The following ARHGAP27 variants were observed in gnomAD, a reference collection of about 807,000 sequenced individuals.
ARHGAP27 encodes the protein rho GTPase-activating protein 27.
ARHGAP27 carries 53 observed loss-of-function variants against 102.0 expected under a neutral mutation model. That is an observed-to-expected ratio of 0.52 (90% CI 0.42 to 0.65). ARHGAP27 has a LOEUF of 0.65. Ranked by LOEUF, ARHGAP27 falls within the 30% of genes least tolerant of loss-of-function variation. The pLI, the probability that ARHGAP27 is intolerant of heterozygous loss-of-function variation, is 0.00. For synonymous variants in ARHGAP27, 525 were observed against 542.8 expected, an observed-to-expected ratio of 0.97 and a Z score of 0.46; for missense variants, 1,117 against 1,256.2, an observed-to-expected ratio of 0.89 and a Z score of 1.68.
intron 1 of ARHGAP27, 108 bp from the exon 2 acceptor site, chr17:45,432,457 T>C (rs1449436502): frequency 6.6e-6 from 1 of 152,628 alleles, no homozygotes; most frequent in Non-Finnish European, 1.5e-5. Context: ...CCCAGGCGAC[T>C]CAAGCTACAG....
At chr17:45,406,714 C>T (rs1401191998) in intron 4 of ARHGAP27, among the ~76,000 whole-genome samples, 8 of 151,960 alleles carry the variant, frequency 5.3e-5, no homozygotes, top group African/African-American at 1.9e-4. Context: ...AGTGCAGTGG[C>T]GCAATCTTGG....
intron 4 of ARHGAP27, among the ~76,000 whole-genome samples, chr17:45,420,056 T>C (rs948533175): frequency 1.3e-5 from 2 of 152,214 alleles, no homozygotes; most frequent in African/African-American, 4.8e-5. Context: ...TCATCAAATA[T>C]CTAATATTTA....
chr17:45,406,846 T>G (rs1164501106), intron 4 of ARHGAP27, among the ~76,000 whole-genome samples: 1 of 152,080 alleles, frequency 6.6e-6, no homozygotes, highest in Non-Finnish European at 1.5e-5. Context: ...CTGTCTGGAT[T>G]TGGGGACTGA....
At chr17:45,398,151 C>A (rs1404766777) in intron 12 of ARHGAP27, 104 bp from the exon 13 acceptor site, 2 of 796,440 alleles carry the variant, frequency 2.5e-6, no homozygotes, top group Non-Finnish European at 3.7e-6. Flanking sequence ...CCTGTCCCTG[C>A]CCCCAGGCAC....
rs775407930 is a variant in ARHGAP27, at chr17:45,430,241, C to T, written c.39G>A (p.Val13=). 32 of 1,577,038 alleles carry T rather than the reference C, an allele frequency of 2.0e-5. No homozygotes were observed. Among genetic ancestry groups the T allele is most frequent in the Non-Finnish European group, 2.6e-5 (31 of 1,169,886 alleles). The part of the protein sequence containing the change: ...ADVVGDVYVL[V]EHPFEYTGKD... ...TGCCGGTGTACTCGAAGGGGTGCTC[C>T]ACCAGCACGTACACGTCCCCCACCA... The change falls in exon 4 of 20, where the codon GTG becomes GTA. Residue 13 remains valine (V), a synonymous_variant. Transcript: ENST00000685559. The surrounding 1 kb of genome is among the most constrained non-coding windows in gnomAD (Gnocchi z 4.4).
In ARHGAP27 at chr17:45,405,762, C is replaced by T; in HGVS notation, c.979G>A (p.Ala327Thr). ...FFYNPLTGET[A>T]WEDEAENEPE... is the part of the protein sequence containing the mutation. ...TCGTTCTCGGCCTCGTCCTCCCAGG[C>T]CGTCTCGCCCGTCAGCGGGTTGTAG... The change falls in exon 5 of 20, where the codon GCC becomes ACC. Residue 327 changes from alanine to threonine, a missense_variant. Ala to Thr is a moderately conservative substitution (Grantham distance 58). Coordinates refer to ENST00000685559, the MANE Select transcript of ARHGAP27 (RefSeq NM_001282290.2). The T allele has an allele frequency of 6.3e-7, 1 of 1,589,830 alleles. No homozygotes were observed. Among genetic ancestry groups the T allele is most frequent in the South Asian group, 1.1e-5 (1 of 89,180 alleles).
At chr17:45,419,899 C>T (rs775298595) in intron 4 of ARHGAP27, among the ~76,000 whole-genome samples, 5 of 151,960 alleles carry the variant, frequency 3.3e-5, no homozygotes, top group Non-Finnish European at 7.4e-5. Flanking sequence ...AAGAGAAATG[C>T]AAATTTAAAG....
intron 4 of ARHGAP27, chr17:45,409,500 G>A: frequency 6.6e-6 from 1 of 152,442 alleles, no homozygotes. Flanking sequence ...GACTAGGGCT[G>A]CCAGAGACAC....
intron 4 of ARHGAP27, among the ~76,000 whole-genome samples, chr17:45,411,792 G>A (rs537836197): frequency 7.3e-6 from 1 of 136,282 alleles, no homozygotes; most frequent in Non-Finnish European, 1.6e-5. Flanking sequence ...CAGGGATGAG[G>A]ACTCACACAC....
rs2049973274 is a variant in ARHGAP27 at position 45,430,425 on chromosome 17, T to C, written c.-18-128A>G. 1 of 1,355,330 alleles carries C rather than the reference T, an allele frequency of 7.4e-7. No individual in the cohort carries two copies. Among genetic ancestry groups the C allele is most frequent in the South Asian group, 1.5e-5 (1 of 68,204 alleles). 84.0% of individuals were successfully genotyped at this position (1,355,330 alleles called of 1,614,324 possible). A position where few individuals can be genotyped will look rare whatever the true frequency, so the allele number is the denominator to read the frequency against. On this transcript the variant is annotated intron_variant, in intron 3 of 19. Transcript: ENST00000685559. This position sits in a 1 kb window ranked among gnomAD's most constrained non-coding sequence, Gnocchi z 4.4. ...GCCGTTCGCCTTCGGGCCTCAGTTTTCCCATCTCTAAAATGGGAACTTGCA... is the reference window on the plus strand; with the variant it reads ...GCCGTTCGCCTTCGGGCCTCAGTTTCCCCATCTCTAAAATGGGAACTTGCA...
intron 4 of ARHGAP27, 103 bp downstream of exon 4, chr17:45,429,520 G>A (rs1239460046): frequency 1.3e-6 from 2 of 1,529,234 alleles, no homozygotes; most frequent in Admixed American, 2.2e-5. Flanking sequence ...GGTGGGCGTC[G>A]TGCCCGACGC....
chr17:45,396,521 G>C lies in ARHGAP27; in HGVS notation c.2139C>G (p.Phe713Leu), dbSNP rs771339682. The C allele has an allele frequency of 6.3e-7, 1 of 1,577,130 alleles. No homozygotes were observed. Among genetic ancestry groups the C allele is most frequent in the Non-Finnish European group, 8.6e-7 (1 of 1,167,462 alleles). Residue 713 changes from phenylalanine to leucine, a missense_variant, in exon 16 of 20, where the codon TTC becomes TTG. Phe to Leu is a conservative substitution (Grantham distance 22, BLOSUM62 0). Around this residue, in one of 3 missense-constraint regions of ARHGAP27, gnomAD observed 493 missense variants for 505.5 expected, o/e 0.98. Transcript: ENST00000685559. ...CGACGGCGCGGATGCACTGCTGCACGAAGCGTGGCACCCGGCTCCTCTCGC... is the reference window on the plus strand; with the variant it reads ...CGACGGCGCGGATGCACTGCTGCACCAAGCGTGGCACCCGGCTCCTCTCGC... The part of the protein sequence containing the change: ...CERERSRVPR[F>L]VQQCIRAVEA...
chr17:45,395,342 C>T lies in ARHGAP27; in HGVS notation c.*114G>A. ...CCGAGGGTGCAGAAGTCACACCGGC[C>T]TGCGGCTATGCGCTGGCGGAGGGTC... On this transcript the variant is annotated 3_prime_UTR_variant, in exon 20 of 20. Coordinates refer to ENST00000685559, the MANE Select transcript of ARHGAP27 (RefSeq NM_001282290.2). 2 of 1,339,524 alleles carry T rather than the reference C, an allele frequency of 1.5e-6. No homozygotes were observed. Among genetic ancestry groups the T allele is most frequent in the East Asian group, 5.1e-5 (2 of 39,464 alleles). 83.0% of individuals were successfully genotyped at this position (1,339,524 alleles called of 1,614,324 possible). A position where few individuals can be genotyped will look rare whatever the true frequency, so the allele number is the denominator to read the frequency against.
In ARHGAP27 at chr17:45,395,345, C is replaced by G; in HGVS notation, c.*111G>C. On this transcript the variant is annotated 3_prime_UTR_variant, in exon 20 of 20. Transcript: ENST00000685559. ...AGGGTGCAGAAGTCACACCGGCCTG[C>G]GGCTATGCGCTGGCGGAGGGTCCCA... The G allele has an allele frequency of 1.3e-5, 18 of 1,344,662 alleles. No individual in the cohort carries two copies. In the South Asian group the frequency reaches 2.7e-4, roughly 20 times the overall value. The allele number at this position is 1,344,662 out of a possible 1,614,324, so 83.3% of individuals were successfully genotyped here.
In ARHGAP27 at chr17:45,430,246, G is replaced by A; in HGVS notation, c.34C>T (p.Leu12=). 1 of 1,578,046 alleles carries A rather than the reference G, an allele frequency of 6.3e-7. No homozygotes were observed. Among genetic ancestry groups the A allele is most frequent in the South Asian group, 1.1e-5 (1 of 87,916 alleles). The change falls in exon 4 of 20, where the codon CTG becomes TTG. Residue 12 remains leucine, a synonymous_variant. Coordinates refer to ENST00000685559, the MANE Select transcript of ARHGAP27 (RefSeq NM_001282290.2). This position sits in a 1 kb window ranked among gnomAD's most constrained non-coding sequence, Gnocchi z 4.4. ...GTGTACTCGAAGGGGTGCTCCACCA[G>A]CACGTACACGTCCCCCACCACGTCC... ...AADVVGDVYV[L]VEHPFEYTGK... is the part of the protein sequence containing the mutation.
chr17:45,423,837 G>T (rs537653300), intron 4 of ARHGAP27, among the ~76,000 whole-genome samples: 1 of 152,216 alleles, frequency 6.6e-6, no homozygotes, highest in Non-Finnish European at 1.5e-5. Flanking sequence ...CAAGAGATAC[G>T]CATAAGAAGG....
At chr17:45,405,489 C>T (rs946727295) in intron 5 of ARHGAP27, among the ~76,000 whole-genome samples, 187 bp downstream of exon 5, 1 of 151,652 alleles carries the variant, frequency 6.6e-6, no homozygotes, top group Admixed American at 6.6e-5. Context: ...CCCGCCCACT[C>T]CAGCCCCGCC....
At chr17:45,405,238 G>A (rs1234443326) in intron 5 of ARHGAP27, 132 bp from the exon 6 acceptor site, 2 of 995,638 alleles carry the variant, frequency 2.0e-6, no homozygotes, top group Non-Finnish European at 1.4e-6. Context: ...GGGGTCAGAA[G>A]CGCTCAGAGG....
chr17:45,402,453 T>C (rs1422764048), intron 12 of ARHGAP27, among the ~76,000 whole-genome samples: 1 of 152,192 alleles, frequency 6.6e-6, no homozygotes, highest in South Asian at 2.1e-4. Flanking sequence ...CTGAGAATGG[T>C]AGCCCCAATT....
Sources: gnomAD v4.1 joint callset for allele counts (sites outside exome capture counted in the v4.1 genomes callset) on GRCh38, gnomAD v4.1.1 for gene constraint, gnomAD v4.1.1 regional missense constraint, Gnocchi (gnomAD v3.1) non-coding constraint, MANE v1.5 for transcripts, NCBI Gene and HGNC (gene_info 2026-07-23, HGNC 2026-07-21) for gene names.